MEF2C: variants seen among roughly 807,000 people sequenced by gnomAD.
The protein encoded by MEF2C is myocyte enhancer factor 2C, also known as myocyte-specific enhancer factor 2C.
In MEF2C, 6 loss-of-function variants were observed where a neutral mutation model predicts 50.5. That is an observed-to-expected ratio of 0.12 (90% CI 0.07 to 0.23). The LOEUF is 0.23. Among genes scored for constraint, MEF2C ranks in the 10% least tolerant of loss-of-function variants. The probability of loss-of-function intolerance (pLI) is 1.00; values close to 1 mark genes in which losing one functional copy is unlikely to be tolerated. For synonymous variants in MEF2C, 183 were observed against 228.0 expected (o/e 0.80, Z 1.78); for missense variants, 276 against 605.0 (o/e 0.46, Z 5.70).
At chr5:88,752,725 C>A (rs1005863621) in intron 4 of MEF2C, 77 of 985,268 alleles carry the variant, frequency 7.8e-5, no homozygotes, top group Middle Eastern at 5.2e-4. Context: ...TGAAAGTTGG[C>A]AAATATTTAG....
intron 3 of MEF2C, among the ~76,000 whole-genome samples, chr5:88,795,530 G>C (rs1200899516): frequency 6.6e-6 from 1 of 152,154 alleles, no homozygotes; most frequent in East Asian, 1.9e-4. Context: ...TCAGCTTAAG[G>C]AGATTTTGGG....
intron 2 of MEF2C, among the ~76,000 whole-genome samples, chr5:88,808,671 T>G (rs968278326): frequency 6.6e-6 from 1 of 152,176 alleles, no homozygotes; most frequent in Non-Finnish European, 1.5e-5. Context: ...ATGTTCATAT[T>G]CTTCATAGCA....
chr5:88,723,947 G>A (rs1345532502), intron 10 of MEF2C, among the ~76,000 whole-genome samples: 1 of 152,168 alleles, frequency 6.6e-6, no homozygotes, highest in African/African-American at 2.4e-5. Context: ...GCCCTTAAGT[G>A]TAGATTAGCA....
At chr5:88,849,598 G>A (rs1408662563) in intron 1 of MEF2C, among the ~76,000 whole-genome samples, 2 of 152,040 alleles carry the variant, frequency 1.3e-5, no homozygotes, top group African/African-American at 4.8e-5. Context: ...TTAAAGTTTT[G>A]TTTTCTCTGT....
chr5:88,898,353 G>A (rs2150309951), intron 1 of MEF2C, among the ~76,000 whole-genome samples: 1 of 152,256 alleles, frequency 6.6e-6, no homozygotes, highest in South Asian at 2.1e-4. Flanking sequence ...TTTCTTGGAT[G>A]GAATCGGTTC....
intron 3 of MEF2C, among the ~76,000 whole-genome samples, chr5:88,787,464 C>T (rs1791515000): frequency 6.6e-6 from 1 of 152,144 alleles, no homozygotes; most frequent in Admixed American, 6.5e-5. Context: ...AACCTAAAGC[C>T]CAGCAAGGTT....
At chr5:88,733,010 A>G in intron 6 of MEF2C, 1 of 926,532 alleles carries the variant, frequency 1.1e-6, no homozygotes, top group Non-Finnish European at 1.3e-6. Flanking sequence ...AGGCTTGAAA[A>G]GCTCTGAAAT....
chr5:88,850,035 A>G (rs1820734065), intron 1 of MEF2C, among the ~76,000 whole-genome samples: 1 of 152,118 alleles, frequency 6.6e-6, no homozygotes, highest in Non-Finnish European at 1.5e-5. Context: ...TGCTGCACCC[A>G]TTAACTCGTC....
At chr5:88,793,797 C>T (rs994802915) in intron 3 of MEF2C, among the ~76,000 whole-genome samples, 2 of 152,006 alleles carry the variant, frequency 1.3e-5, no homozygotes, top group East Asian at 3.9e-4. Context: ...CTCCCCTAGC[C>T]CCCCACCCCA....
chr5:88,847,714 T>TA (rs955273025), intron 1 of MEF2C, among the ~76,000 whole-genome samples: 11 of 151,708 alleles, frequency 7.3e-5, no homozygotes, highest in African/African-American at 2.2e-4. Flanking sequence ...AAACACATGT[T>TA]AAAAAAAAGG....
chr5:88,869,480 A>C (rs1022885539), intron 1 of MEF2C, among the ~76,000 whole-genome samples: 1 of 151,444 alleles, frequency 6.6e-6, no homozygotes, highest in African/African-American at 2.4e-5. Context: ...CTAGCACTTA[A>C]GTACCTTTTT....
In MEF2C at chr5:88,774,991, G is replaced by A. The variant is rs541345896; in HGVS notation, c.259-13663C>T. Among the ~76,000 whole-genome samples the A allele has an allele frequency of 1.1e-4, 17 of 152,360 alleles. No individual in the cohort carries two copies. In the South Asian group the frequency reaches 3.3e-3, roughly 30 times the overall value. On this transcript the variant is annotated intron_variant, in intron 3 of 10. Coordinates refer to ENST00000504921, the MANE Select transcript of MEF2C (RefSeq NM_002397.5). ...GGCTGCGCTCCTTGAGGGCAGGTCTGTGCCTTGTGTCGGGGTATCCTTAGT... is the reference window on the plus strand; with the variant it reads ...GGCTGCGCTCCTTGAGGGCAGGTCTATGCCTTGTGTCGGGGTATCCTTAGT...
At chr5:88,769,901 C>T in intron 3 of MEF2C, 1 of 928,978 alleles carries the variant, frequency 1.1e-6, no homozygotes, top group Non-Finnish European at 1.3e-6. Context: ...CCACCTAAGC[C>T]TCCTAAAGTG....
At chr5:88,884,990 T>A (rs950912387), upstream of MEF2C, among the ~76,000 whole-genome samples, 1 of 152,194 alleles carries the variant, frequency 6.6e-6, no homozygotes, top group African/African-American at 2.4e-5. Context: ...AACCAAACTA[T>A]TTTTTAAAAA....
At chr5:88,736,146 T>G in intron 6 of MEF2C, 1 of 985,422 alleles carries the variant, frequency 1.0e-6, no homozygotes, top group Non-Finnish European at 1.2e-6. Context: ...AATGCCTGTC[T>G]CTACTTCCAC....
chr5:88,878,201 C>A (rs1831705104), intron 1 of MEF2C, among the ~76,000 whole-genome samples: 1 of 151,940 alleles, frequency 6.6e-6, no homozygotes, highest in Non-Finnish European at 1.5e-5. Flanking sequence ...AATCTAGTGT[C>A]TACACTTGGA....
intron 1 of MEF2C, among the ~76,000 whole-genome samples, chr5:88,897,504 T>C (rs1032503079): frequency 6.6e-6 from 1 of 152,262 alleles, no homozygotes; most frequent in African/African-American, 2.4e-5. Flanking sequence ...TAATAAGCAC[T>C]GTCTGTATTG....
intron 1 of MEF2C, among the ~76,000 whole-genome samples, chr5:88,891,661 C>T (rs749779528): frequency 2.0e-5 from 3 of 152,126 alleles, no homozygotes; most frequent in Non-Finnish European, 2.9e-5. Context: ...CTGCCTGTCT[C>T]GGCCACCCAA....
intron 2 of MEF2C, among the ~76,000 whole-genome samples, chr5:88,813,846 C>G (rs1357059893): frequency 6.6e-6 from 1 of 151,998 alleles, no homozygotes; most frequent in Non-Finnish European, 1.5e-5. Context: ...CCAGCTAATT[C>G]TATTTTCAAA....
Sources: gnomAD v4.1 joint callset for allele counts (sites outside exome capture counted in the v4.1 genomes callset) on GRCh38, gnomAD v4.1.1 for gene constraint, MANE v1.5 for transcripts, NCBI Gene and HGNC (gene_info 2026-07-23, HGNC 2026-07-21) for gene names.